The following SYDE1 variants were observed in gnomAD, a reference collection of about 807,000 sequenced individuals.
SYDE1 encodes the protein synapse defective Rho GTPase activating protein 1, also known as rho GTPase-activating protein SYDE1.
SYDE1 carries 34 observed loss-of-function variants against 63.3 expected under a neutral mutation model. That is an observed-to-expected ratio of 0.54 (90% confidence interval 0.41 to 0.71). The LOEUF (loss-of-function observed/expected upper bound fraction) is 0.71, where lower values mean the gene tolerates loss of function less well. Ranked by LOEUF, SYDE1 falls within the 30% of genes least tolerant of loss-of-function variation. SYDE1 has a pLI of 0.00. For missense variants in SYDE1, 925 were observed against 1,042.5 expected (o/e 0.89, Z 1.55); for synonymous variants, 467 against 473.4 (o/e 0.99, Z 0.18).
At position 15,108,764 on chromosome 19, in the gene SYDE1, T is replaced by C; in HGVS notation, c.89-292T>C. 5.8e-6 allele frequency: 2 copies of C among 346,042 alleles called. No individual in the cohort carries two copies. Among genetic ancestry groups the C allele is most frequent in the African/African-American group, 2.1e-5 (1 of 47,480 alleles). The allele number at this position is 346,042 out of a possible 1,614,324, so 21.4% of individuals were successfully genotyped here. On this transcript the variant is annotated intron_variant, in intron 1 of 7. Transcript: ENST00000342784. This position sits in a 1 kb window ranked among gnomAD's most constrained non-coding sequence, Gnocchi z 4.3. ...TTGAGAGGGTAGAGGAAGTGGAGAC[T>C]GGAACGCAGTACCTACGGGCCCCAG...
rs2145331650 is a variant in SYDE1 at position 15,113,634 on chromosome 19, C to T, written c.1879C>T (p.Pro627Ser). The change falls in exon 8 of 8, where the codon CCG becomes TCG. Residue 627 changes from proline to serine, a missense_variant. Transcript: ENST00000342784. Reference sequence around the variant, plus strand: ...CAAACGACAGCCACCTCTGCACCTGCCGCTGGCAGACCCCGAAGTGGTGAC... The same window carrying T: ...CAAACGACAGCCACCTCTGCACCTGTCGCTGGCAGACCCCGAAGTGGTGAC... The part of the protein sequence containing the change: ...RPKRQPPLHL[P>S]LADPEVVTRP... The T allele has an allele frequency of 6.2e-7, 1 of 1,611,388 alleles. No homozygotes were observed. Among genetic ancestry groups the T allele is most frequent in the South Asian group, 1.1e-5 (1 of 90,836 alleles).
rs745825704 is a variant in SYDE1, at chr19:15,113,878, A to G, written c.2123A>G (p.Asn708Ser). The G allele has an allele frequency of 9.3e-6, 15 of 1,614,120 alleles. No homozygotes were observed. Among genetic ancestry groups the G allele is most frequent in the Non-Finnish European group, 1.3e-5 (15 of 1,180,028 alleles). Residue 708 changes from asparagine (N) to serine (S), a missense_variant, in exon 8 of 8, where the codon AAC (asparagine) becomes AGC (serine). Asn to Ser is a conservative substitution (Grantham distance 46). Coordinates refer to ENST00000342784, the MANE Select transcript of SYDE1 (RefSeq NM_033025.6). ...DFEDDFDAPF[N>S]PHLNLKDFDA... ...GAAGACGACTTCGATGCGCCCTTCA[A>G]CCCGCACCTGAATCTCAAAGACTTC...
In SYDE1 at chr19:15,110,724, C is replaced by T. The variant is rs375507537; in HGVS notation, c.1279C>T (p.Arg427Ter). 4 of 1,554,854 alleles carry T rather than the reference C, an allele frequency of 2.6e-6. No individual in the cohort carries two copies. The highest frequency in any genetic ancestry group is 2.7e-5 in the African/African-American group (2 of 73,610). Residue 427 changes from arginine to a stop codon, truncating the protein, a stop_gained, in exon 4 of 8, where the codon CGA becomes TGA. Coordinates refer to ENST00000342784, the MANE Select transcript of SYDE1 (RefSeq NM_033025.6). LOFTEE classifies it high-confidence loss of function. This position sits in a 1 kb window ranked among gnomAD's most constrained non-coding sequence, Gnocchi z 6.9. ...GAAGTGCGTTGGGCAGATCGAGCGC[C>T]GAGGGCTGCGGGTGAGCACCCACCC... ...IQKCVGQIER[R>*]GLRVVGLYRL...
At chr19:15,113,471 C>T in intron 7 of SYDE1, 89 bp from the exon 8 acceptor site, 3 of 1,451,318 alleles carry the variant, frequency 2.1e-6, no homozygotes, top group Non-Finnish European at 2.8e-6. Context: ...AGGCCGCTTT[C>T]CACAGGCCAA....
chr19:15,109,174 G>T lies in SYDE1; in HGVS notation c.207G>T (p.Arg69=). The stretch of plus-strand genomic sequence containing the variant: ...CCGAGGCATCAAGGAGCCCTGCACG[G>T]GGAGCCTACCTGCAAAGCCTGGAGC... ...SSPEASRSPA[R]GAYLQSLEPS... is the part of the protein sequence containing the mutation. The change falls in exon 2 of 8, where the codon CGG becomes CGT. Residue 69 remains arginine (R), a synonymous_variant. Transcript: ENST00000342784. This position sits in a 1 kb window ranked among gnomAD's most constrained non-coding sequence, Gnocchi z 5.0. 6.4e-7 allele frequency: 1 copy of T among 1,555,918 alleles called. No individual in the cohort carries two copies. Among genetic ancestry groups the T allele is most frequent in the African/African-American group, 1.4e-5 (1 of 73,578 alleles).
chr19:15,113,770 G>T lies in SYDE1; in HGVS notation c.2015G>T (p.Gly672Val), dbSNP rs751920646. The T allele has an allele frequency of 1.1e-5, 17 of 1,614,012 alleles. No individual in the cohort carries two copies. The South Asian group carries it at 1.8e-4, about 17-fold the overall frequency. Residue 672 changes from glycine (G) to valine (V), a missense_variant, in exon 8 of 8, where the codon GGG becomes GTG. Coordinates refer to ENST00000342784, the MANE Select transcript of SYDE1 (RefSeq NM_033025.6). ...CCCTGTGGGCGGGATTTCCTGTCCG[G>T]GCCAGACTACGACCACGTGACGGGC... Reference protein sequence around the residue: ...FLPCGRDFLSGPDYDHVTGSD... With the variant: ...FLPCGRDFLSVPDYDHVTGSD...
At position 15,112,329 on chromosome 19, in the gene SYDE1, T is replaced by G; in HGVS notation, c.1579-17T>G. ...GCCTGACTTTGTCTGACTTACATCC[T>G]CTCAACCCTCTCCCAGGCCACGCTG... On this transcript the variant is annotated splice_polypyrimidine_tract_variant and intron_variant, in intron 6 of 7. Coordinates refer to ENST00000342784, the MANE Select transcript of SYDE1 (RefSeq NM_033025.6). 1 of 1,541,886 alleles carries G rather than the reference T, an allele frequency of 6.5e-7. No homozygotes were observed. The highest frequency in any genetic ancestry group is 8.8e-7 in the Non-Finnish European group (1 of 1,138,550).
Position 15,109,544 on chromosome 19 carries a change from T to G in SYDE1, c.430+147T>G, listed in dbSNP as rs549552220. The G allele has an allele frequency of 1.6e-4, 164 of 1,020,346 alleles. 1 individual carries two copies. The East Asian group carries it at 3.7e-3, about 23-fold the overall frequency. The allele number at this position is 1,020,346 out of a possible 1,614,324, so 63.2% of individuals were successfully genotyped here. A position where few individuals can be genotyped will look rare whatever the true frequency, so the allele number is the denominator to read the frequency against. On this transcript the variant is annotated intron_variant, in intron 2 of 7. Transcript: ENST00000342784. The surrounding 1 kb of genome is among the most constrained non-coding windows in gnomAD (Gnocchi z 5.0). ...CCTTCAGGGGAGCACCAGCCTCACA[T>G]CCCCACCCCGTCAGATGCTCCCAGA...
chr19:15,110,174 G>T lies in SYDE1; in HGVS notation c.901G>T (p.Ala301Ser). 1 of 1,409,590 alleles carries T rather than the reference G, an allele frequency of 7.1e-7. No individual in the cohort carries two copies. Among genetic ancestry groups the T allele is most frequent in the African/African-American group, 1.5e-5 (1 of 66,480 alleles). 87.3% of individuals were successfully genotyped at this position (1,409,590 alleles called of 1,614,324 possible). ...ACTGCAAGTGGATGGGGAGGCCAGG[G>T]CCCGAACAGGGCCACTGCGAGGGGG... ...CLLQVDGEARARTGPLRGGPD... is the reference protein window; with the variant it reads ...CLLQVDGEARSRTGPLRGGPD... Residue 301 changes from alanine to serine, a missense_variant, in exon 3 of 8, where the codon GCC becomes TCC. By Grantham distance (99) the Ala-to-Ser change is moderately conservative (BLOSUM62 1). This residue lies in a region of SYDE1 where 599 missense variants were observed against 653.7 expected (regional missense o/e 0.92). Coordinates refer to ENST00000342784, the MANE Select transcript of SYDE1 (RefSeq NM_033025.6). The surrounding 1 kb of genome is among the most constrained non-coding windows in gnomAD (Gnocchi z 6.9).
chr19:15,109,201 C>T lies in SYDE1; in HGVS notation c.234C>T (p.Pro78=). 6.4e-7 allele frequency: 1 copy of T among 1,564,956 alleles called. No homozygotes were observed. The highest frequency in any genetic ancestry group is 1.2e-5 in the South Asian group (1 of 85,464). ...GAGCCTACCTGCAAAGCCTGGAGCC[C>T]AGTAGCCGCCGATGGGTGCTGGGTG... The part of the protein sequence containing the change: ...ARGAYLQSLE[P]SSRRWVLGGA... The change falls in exon 2 of 8, where the codon CCC becomes CCT. Residue 78 remains proline, a synonymous_variant. Transcript: ENST00000342784. The surrounding 1 kb of genome is among the most constrained non-coding windows in gnomAD (Gnocchi z 5.0).
Position 15,109,050 on chromosome 19 carries a change from T to G in SYDE1, c.89-6T>G. ...GGTGGGTCTCACTCCCCTTGCTCTCTGCCAGGCCACCCAGCCCAGCGCCCA... is the reference window on the plus strand; with the variant it reads ...GGTGGGTCTCACTCCCCTTGCTCTCGGCCAGGCCACCCAGCCCAGCGCCCA... On this transcript the variant is annotated splice_polypyrimidine_tract_variant and splice_region_variant and intron_variant, in intron 1 of 7. Coordinates refer to ENST00000342784, the MANE Select transcript of SYDE1 (RefSeq NM_033025.6). This position sits in a 1 kb window ranked among gnomAD's most constrained non-coding sequence, Gnocchi z 5.0. 1 of 1,479,248 alleles carries G rather than the reference T, an allele frequency of 6.8e-7. No homozygotes were observed. The highest frequency in any genetic ancestry group is 8.9e-7 in the Non-Finnish European group (1 of 1,120,686). The allele number at this position is 1,479,248 out of a possible 1,614,324, so 91.6% of individuals were successfully genotyped here. A position where few individuals can be genotyped will look rare whatever the true frequency, so the allele number is the denominator to read the frequency against.
At position 15,110,675 on chromosome 19, in the gene SYDE1, C is replaced by G. The variant is rs373972188; in HGVS notation, c.1230C>G (p.Pro410=). 7.6e-6 allele frequency: 12 copies of G among 1,582,746 alleles called. No homozygotes were observed. Among genetic ancestry groups the G allele is most frequent in the East Asian group, 2.3e-5 (1 of 43,260 alleles). ...TGCTGGTGGAGCGGGAGCGGCCCCC[C>G]GGCCAGGTGCCCCTCATCATCCAGA... ...LPLLVERERP[P]GQVPLIIQKC... The change falls in exon 4 of 8, where the codon CCC becomes CCG. Residue 410 remains proline, a synonymous_variant. Coordinates refer to ENST00000342784, the MANE Select transcript of SYDE1 (RefSeq NM_033025.6). This position sits in a 1 kb window ranked among gnomAD's most constrained non-coding sequence, Gnocchi z 6.9.
rs554738306 is a variant in SYDE1, at chr19:15,110,018, C to A, written c.745C>A (p.Arg249=). The stretch of plus-strand genomic sequence containing the variant: ...TGGGCCCCCATCACCCACCTCCTTC[C>A]GGCCCTACGAGGTGGGTCCCGCAGC... The part of the protein sequence containing the change: ...PAGPPSPTSF[R]PYEVGPAARA... Residue 249 remains arginine (R), a synonymous_variant, in exon 3 of 8, where the codon CGG becomes AGG. Coordinates refer to ENST00000342784, the MANE Select transcript of SYDE1 (RefSeq NM_033025.6). The surrounding 1 kb of genome is among the most constrained non-coding windows in gnomAD (Gnocchi z 6.9). The A allele has an allele frequency of 5.3e-6, 8 of 1,504,162 alleles. No individual in the cohort carries two copies. The East Asian group carries it at 1.1e-4, about 20-fold the overall frequency. 93.2% of individuals were successfully genotyped at this position (1,504,162 alleles called of 1,614,324 possible). A position where few individuals can be genotyped will look rare whatever the true frequency, so the allele number is the denominator to read the frequency against.
chr19:15,111,855 ACCCATG>A lies in SYDE1; in HGVS notation c.1578+66_1578+71del. 6.8e-7 allele frequency: 1 copy of A among 1,472,152 alleles called. No homozygotes were observed. The highest frequency in any genetic ancestry group is 9.1e-7 in the Non-Finnish European group (1 of 1,099,322). The allele number at this position is 1,472,152 out of a possible 1,614,324, so 91.2% of individuals were successfully genotyped here. A position where few individuals can be genotyped will look rare whatever the true frequency, so the allele number is the denominator to read the frequency against. ...TGGGCTGATACCAATAGAATGTTTC[ACCCATG>A]CCTGGGCCTGAGATGGGCATGAGCT... is the stretch of plus-strand genomic sequence containing the variant. On this transcript the variant is annotated intron_variant, in intron 6 of 7. Coordinates refer to ENST00000342784, the MANE Select transcript of SYDE1 (RefSeq NM_033025.6). This position sits in a 1 kb window ranked among gnomAD's most constrained non-coding sequence, Gnocchi z 5.5.
Position 15,113,912 on chromosome 19 carries a change from C to T in SYDE1, c.2157C>T (p.Leu719=). The change falls in exon 8 of 8, where the codon CTC becomes CTT. Residue 719 remains leucine (L), a synonymous_variant. Transcript: ENST00000342784. The part of the protein sequence containing the change: ...PHLNLKDFDA[L]ILDLERELSK... ...TGAATCTCAAAGACTTCGACGCCCTCATCCTGGATCTGGAGAGAGAGCTCT... is the reference window on the plus strand; with the variant it reads ...TGAATCTCAAAGACTTCGACGCCCTTATCCTGGATCTGGAGAGAGAGCTCT... 6.2e-7 allele frequency: 1 copy of T among 1,614,106 alleles called. No individual in the cohort carries two copies. The highest frequency in any genetic ancestry group is 8.5e-7 in the Non-Finnish European group (1 of 1,180,030).
At position 15,110,817 on chromosome 19, in the gene SYDE1, C is replaced by A. The variant is rs1679877696; in HGVS notation, c.1290+82C>A. The stretch of plus-strand genomic sequence containing the variant: ...GACACCCTATGTACAGATGCCAGAC[C>A]CCTACCCCCAGGCCTGAGCCACTCC... On this transcript the variant is annotated intron_variant, in intron 4 of 7. Transcript: ENST00000342784. This position sits in a 1 kb window ranked among gnomAD's most constrained non-coding sequence, Gnocchi z 6.9. The A allele has an allele frequency of 1.6e-6, 2 of 1,251,368 alleles. No homozygotes were observed. The highest frequency in any genetic ancestry group is 2.8e-4 in the Middle Eastern group (1 of 3,622). 77.5% of individuals were successfully genotyped at this position (1,251,368 alleles called of 1,614,324 possible). A position where few individuals can be genotyped will look rare whatever the true frequency, so the allele number is the denominator to read the frequency against.
In SYDE1 at chr19:15,108,825, G is replaced by C; in HGVS notation, c.89-231G>C. Reference sequence around the variant, plus strand: ...TTAGAACCCTGAGGCTGCAGGGATGGAGTCCCCTTTTGGGATGCCAGGGAC... The same window carrying C: ...TTAGAACCCTGAGGCTGCAGGGATGCAGTCCCCTTTTGGGATGCCAGGGAC... On this transcript the variant is annotated intron_variant, in intron 1 of 7. Coordinates refer to ENST00000342784, the MANE Select transcript of SYDE1 (RefSeq NM_033025.6). The surrounding 1 kb of genome is among the most constrained non-coding windows in gnomAD (Gnocchi z 4.3). 1.9e-6 allele frequency: 1 copy of C among 515,246 alleles called. No individual in the cohort carries two copies. Among genetic ancestry groups the C allele is most frequent in the Non-Finnish European group, 3.1e-6 (1 of 320,686 alleles). 31.9% of individuals were successfully genotyped at this position (515,246 alleles called of 1,614,324 possible).
At position 15,108,949 on chromosome 19, in the gene SYDE1, G is replaced by T. The variant is rs2046322863; in HGVS notation, c.89-107G>T. 1.4e-5 allele frequency: 20 copies of T among 1,405,752 alleles called. No homozygotes were observed. Among genetic ancestry groups the T allele is most frequent in the Non-Finnish European group, 1.8e-5 (19 of 1,083,238 alleles). 87.1% of individuals were successfully genotyped at this position (1,405,752 alleles called of 1,614,324 possible). On this transcript the variant is annotated intron_variant, in intron 1 of 7. Coordinates refer to ENST00000342784, the MANE Select transcript of SYDE1 (RefSeq NM_033025.6). This position sits in a 1 kb window ranked among gnomAD's most constrained non-coding sequence, Gnocchi z 4.3. Reference sequence around the variant, plus strand: ...ATCCAAGGAACCATGACTTATCAGGGGCCGGCCAGGGCCGTACACAGCATC... The same window carrying T: ...ATCCAAGGAACCATGACTTATCAGGTGCCGGCCAGGGCCGTACACAGCATC...
rs1444029137 is a variant in SYDE1, at chr19:15,111,456, C to T, written c.1417+17C>T. 2 of 1,612,788 alleles carry T rather than the reference C, an allele frequency of 1.2e-6. No individual in the cohort carries two copies. The highest frequency in any genetic ancestry group is 1.7e-5 in the Admixed American group (1 of 59,966). On this transcript the variant is annotated intron_variant, in intron 5 of 7. Transcript: ENST00000342784. This position sits in a 1 kb window ranked among gnomAD's most constrained non-coding sequence, Gnocchi z 5.5. ...TCATCACTGGTCAGCATGGCCCCCT[C>T]TCCCCTGCCTGCTCACCCCCATTCA...
Sources: gnomAD v4.1 joint callset for allele counts on GRCh38, gnomAD v4.1.1 for gene constraint, gnomAD v4.1.1 regional missense constraint, Gnocchi (gnomAD v3.1) non-coding constraint, MANE v1.5 for transcripts, NCBI Gene and HGNC (gene_info 2026-07-23, HGNC 2026-07-21) for gene names.